Variants in WDFY4 observed in about 807,000 individuals in gnomAD.
WDFY4 encodes the protein WDFY family member 4.
A neutral mutation model predicts 351.9 loss-of-function variants in WDFY4; 169 were observed. That is an observed-to-expected ratio of 0.48 (90% CI 0.42 to 0.55). WDFY4 has a LOEUF of 0.55. Ranked by LOEUF, WDFY4 falls within the 20% of genes least tolerant of loss-of-function variation. WDFY4 has a pLI of 0.00. For synonymous variants in WDFY4, 1,622 were observed against 1,574.6 expected, an observed-to-expected ratio of 1.03 and a Z score of -0.71; for missense variants, 3,803 against 3,935.6, an observed-to-expected ratio of 0.97 and a Z score of 0.90.
intron 31 of WDFY4, 70 bp downstream of exon 31, chr10:48,814,152 T>A: frequency 1.4e-6 from 2 of 1,447,904 alleles, no homozygotes; most frequent in Non-Finnish European, 1.8e-6. Context: ...AGGGTCACCT[T>A]GACTTTTCTC....
chr10:48,786,225 A>G (rs4838650), intron 19 of WDFY4, among the ~76,000 whole-genome samples: 29,939 of 152,112 alleles, frequency 0.2, 3,515 homozygotes, highest in Middle Eastern at 0.34. Flanking sequence ...ATTCTAGGAT[A>G]TTAAAAAAAA....
At chr10:48,755,290 G>A (rs749854101) in intron 12 of WDFY4, among the ~76,000 whole-genome samples, 2 of 152,104 alleles carry the variant, frequency 1.3e-5, no homozygotes, top group Non-Finnish European at 2.9e-5. Flanking sequence ...CCATTGTAGG[G>A]ATGCAAATGT....
At chr10:48,931,307 T>G (rs1839989384) in intron 47 of WDFY4, among the ~76,000 whole-genome samples, 1 of 152,198 alleles carries the variant, frequency 6.6e-6, no homozygotes, top group Non-Finnish European at 1.5e-5. Flanking sequence ...AGTGCTGTCC[T>G]AGGTCATCTG....
intron 51 of WDFY4, among the ~76,000 whole-genome samples, chr10:48,953,422 G>C (rs1841437073): frequency 6.6e-6 from 1 of 151,946 alleles, no homozygotes; most frequent in Admixed American, 6.6e-5. Flanking sequence ...GGCGGTTAAA[G>C]AGATTAAGAA....
At chr10:48,828,005 T>C (rs1379668282) in intron 36 of WDFY4, among the ~76,000 whole-genome samples, 1 of 152,124 alleles carries the variant, frequency 6.6e-6, no homozygotes, top group Non-Finnish European at 1.5e-5. Context: ...CCTCCTCAGT[T>C]CCCTCTGTTT....
chr10:48,767,908 G>T (rs2065723918), intron 13 of WDFY4, among the ~76,000 whole-genome samples: 1 of 152,100 alleles, frequency 6.6e-6, no homozygotes, highest in South Asian at 2.1e-4. Context: ...CCACTTCCAG[G>T]ACCCCCAGAA....
At chr10:48,823,292 G>A (rs755366504) in intron 35 of WDFY4, 2 of 1,289,522 alleles carry the variant, frequency 1.6e-6, no homozygotes, top group Non-Finnish European at 2.0e-6. Flanking sequence ...GTCCCACCCA[G>A]GGGGATGTCT....
At chr10:48,880,373 G>A (rs936627268) in intron 43 of WDFY4, among the ~76,000 whole-genome samples, 1 of 152,330 alleles carries the variant, frequency 6.6e-6, no homozygotes, top group South Asian at 2.1e-4. Flanking sequence ...GCCCCCAGGT[G>A]ACTGACTTTC....
chr10:48,732,755 A>G (rs1335666343), intron 9 of WDFY4, among the ~76,000 whole-genome samples: 1 of 152,276 alleles, frequency 6.6e-6, no homozygotes, highest in Non-Finnish European at 1.5e-5. Context: ...CAGGGGCTCA[A>G]GAAACATCAG....
intron 58 of WDFY4, 180 bp downstream of exon 58, chr10:48,975,221 T>A: frequency 1.3e-6 from 1 of 788,592 alleles, no homozygotes; most frequent in Non-Finnish European, 2.1e-6. Context: ...AGCTTCAATG[T>A]CCGCTTCTTT....
intron 56 of WDFY4, among the ~76,000 whole-genome samples, chr10:48,969,683 T>C (rs1259130474): frequency 6.6e-6 from 1 of 152,136 alleles, no homozygotes; most frequent in Non-Finnish European, 1.5e-5. Flanking sequence ...CAGTCACCTC[T>C]GCCTTCTTGA....
chr10:48,868,280 T>G (rs11101537), intron 40 of WDFY4, among the ~76,000 whole-genome samples: 23,809 of 152,190 alleles, frequency 0.16, 2,687 homozygotes, highest in East Asian at 0.59. Flanking sequence ...CAGGCTCTCC[T>G]GAGTGATGGG....
intron 6 of WDFY4, 119 bp from the exon 7 acceptor site, chr10:48,727,351 T>C (rs2064304057): frequency 1.9e-6 from 2 of 1,070,664 alleles, no homozygotes; most frequent in African/African-American, 3.2e-5. Context: ...GAACATGTTT[T>C]GGATTAATTC....
chr10:48,977,117 GA>G (rs1842602897), intron 59 of WDFY4, 138 bp downstream of exon 59: 3 of 778,278 alleles, frequency 3.9e-6, no homozygotes, highest in Non-Finnish European at 5.4e-6. Context: ...CAAAGGAAGG[GA>G]AAAGACAAGG....
intron 44 of WDFY4, among the ~76,000 whole-genome samples, chr10:48,893,282 C>T (rs1022026947): frequency 2.6e-5 from 4 of 152,206 alleles, no homozygotes; most frequent in African/African-American, 9.6e-5. Context: ...GGACCCATCC[C>T]AATGGCTTCA....
At chr10:48,768,994 T>C (rs1325916806) in intron 13 of WDFY4, among the ~76,000 whole-genome samples, 1 of 151,808 alleles carries the variant, frequency 6.6e-6, no homozygotes, top group African/African-American at 2.4e-5. Flanking sequence ...GGGACAAAAG[T>C]GGAGGATAGG....
At chr10:48,914,183 T>A in intron 47 of WDFY4, 1 of 1,596,974 alleles carries the variant, frequency 6.3e-7, no homozygotes, top group South Asian at 1.1e-5. Context: ...GTGTTAGAAG[T>A]TTATTGTTCT....
In WDFY4 at chr10:48,966,608, C is replaced by T; in HGVS notation, c.8519C>T (p.Pro2840Leu). ...GATGTCTCCACCCCCGTGAGCCTGC[C>T]TGGCCACCCACAGCCCTTTTTCTAC... ...GKDVSTPVSL[P>L]GHPQPFFYSL... Residue 2840 changes from proline (P) to leucine (L), a missense_variant, in exon 55 of 62, where the codon CCT becomes CTT. Around this residue, in one of 3 missense-constraint regions of WDFY4, gnomAD observed 3,054 missense variants for 3,148.6 expected, o/e 0.97. Coordinates refer to ENST00000325239, the MANE Select transcript of WDFY4 (RefSeq NM_001394531.1). 6.4e-7 allele frequency: 1 copy of T among 1,551,986 alleles called. No individual in the cohort carries two copies. Among genetic ancestry groups the T allele is most frequent in the African/African-American group, 1.4e-5 (1 of 73,178 alleles).
intron 42 of WDFY4, among the ~76,000 whole-genome samples, chr10:48,875,906 C>T (rs1250883267): frequency 6.6e-6 from 1 of 152,184 alleles, no homozygotes; most frequent in African/African-American, 2.4e-5. Context: ...GTTTGCCTCT[C>T]GTCTCTCCAC....
Sources: gnomAD v4.1 joint callset for allele counts (sites outside exome capture counted in the v4.1 genomes callset) on GRCh38, gnomAD v4.1.1 for gene constraint, gnomAD v4.1.1 regional missense constraint, MANE v1.5 for transcripts, NCBI Gene and HGNC (gene_info 2026-07-23, HGNC 2026-07-21) for gene names.